CDKN3: variants seen among roughly 807,000 people sequenced by gnomAD.
CDKN3 encodes the protein cyclin-dependent kinase inhibitor 3.
Under a neutral mutation model 36.1 loss-of-function variants are expected in CDKN3, and 19 were observed. That is an observed-to-expected ratio of 0.53 (90% confidence interval 0.37 to 0.77). The LOEUF (loss-of-function observed/expected upper bound fraction) is 0.77. CDKN3 is among the 30% of genes least tolerant of loss of function. The pLI, the probability that CDKN3 is intolerant of heterozygous loss-of-function variation, is 0.00. For synonymous variants in CDKN3, 71 were observed against 85.3 expected, an observed-to-expected ratio of 0.83 and a Z score of 0.92; for missense variants, 188 against 248.6, an observed-to-expected ratio of 0.76 and a Z score of 1.64.
At chr14:54,407,572 G>T (rs1006310269) in intron 3 of CDKN3, among the ~76,000 whole-genome samples, 1 of 152,190 alleles carries the variant, frequency 6.6e-6, no homozygotes, top group Non-Finnish European at 1.5e-5. Flanking sequence ...GAGGCAGTCT[G>T]GCTACCATGG....
At chr14:54,403,446 A>G (rs2030034689) in intron 3 of CDKN3, among the ~76,000 whole-genome samples, 1 of 151,968 alleles carries the variant, frequency 6.6e-6, no homozygotes, top group South Asian at 2.1e-4. Context: ...TTGGGCTGAG[A>G]CAATGAGGTT....
intron 2 of CDKN3, among the ~76,000 whole-genome samples, chr14:54,400,974 T>C (rs1390503639): frequency 6.6e-6 from 1 of 152,248 alleles, no homozygotes; most frequent in African/African-American, 2.4e-5. Context: ...GTAGAATAAA[T>C]GCTGGGGAGA....
At position 54,397,103 on chromosome 14, in the gene CDKN3, A is replaced by G; in HGVS notation, c.9+26A>G. On this transcript the variant is annotated intron_variant, in intron 1 of 7. Transcript: ENST00000335183. ...GTGAGTCGGACGTGCTGGGGTTTGGAGGAGCGAGGCGGCAGGGACGCAAGC... is the reference window on the plus strand; with the variant it reads ...GTGAGTCGGACGTGCTGGGGTTTGGGGGAGCGAGGCGGCAGGGACGCAAGC... 5 of 1,492,136 alleles carry G rather than the reference A, an allele frequency of 3.4e-6. 1 individual carries two copies. Among genetic ancestry groups the G allele is most frequent in the East Asian group, 5.6e-5 (2 of 36,006 alleles). The allele number at this position is 1,492,136 out of a possible 1,614,324, so 92.4% of individuals were successfully genotyped here.
intron 2 of CDKN3, among the ~76,000 whole-genome samples, chr14:54,400,616 GTC>G (rs2029906324): frequency 6.6e-6 from 1 of 152,130 alleles, no homozygotes; most frequent in Non-Finnish European, 1.5e-5. Flanking sequence ...AAATATAATA[GTC>G]TCTCTTCTTA....
intron 3 of CDKN3, chr14:54,408,514 A>G (rs2030239484): frequency 8.9e-6 from 4 of 449,688 alleles, no homozygotes; most frequent in Non-Finnish European, 1.5e-5. Context: ...GAGGACTACA[A>G]CCAGGTACTT....
At chr14:54,401,812 A>G (rs1390716819) in intron 3 of CDKN3, among the ~76,000 whole-genome samples, 5 of 152,056 alleles carry the variant, frequency 3.3e-5, no homozygotes, top group Admixed American at 1.3e-4. Context: ...CCGAAGTCCA[A>G]TGTATCATTC....
Position 54,404,736 on chromosome 14 carries a change from A to G in CDKN3, c.148+3157A>G, listed in dbSNP as rs1442602738. Among the ~76,000 whole-genome samples the G allele has an allele frequency of 3.9e-5, 6 of 152,052 alleles. No homozygotes were observed. In the East Asian group the frequency reaches 9.7e-4, roughly 24 times the overall value. ...ACTACAGGCACCCACCACCACACCC[A>G]GCTAATTTTTTTGTATTTTTAGTAG... is the stretch of plus-strand genomic sequence containing the variant. On this transcript the variant is annotated intron_variant, in intron 3 of 7. Coordinates refer to ENST00000335183, the MANE Select transcript of CDKN3 (RefSeq NM_005192.4).
intron 7 of CDKN3, chr14:54,418,488 ACAC>A: frequency 1.8e-6 from 1 of 541,594 alleles, no homozygotes; most frequent in Non-Finnish European, 3.3e-6. Flanking sequence ...ACACTTCAAA[ACAC>A]TGCACTAGCA....
Position 54,420,125 on chromosome 14 carries a change from T to A in CDKN3, c.*47T>A. 1 of 1,085,882 alleles carries A rather than the reference T, an allele frequency of 9.2e-7. No homozygotes were observed. The highest frequency in any genetic ancestry group is 1.4e-6 in the Non-Finnish European group (1 of 714,950). 67.3% of individuals were successfully genotyped at this position (1,085,882 alleles called of 1,614,324 possible). On this transcript the variant is annotated 3_prime_UTR_variant, in exon 8 of 8. Transcript: ENST00000335183. The stretch of plus-strand genomic sequence containing the variant: ...ATGACCATGTCTGAAATGTCAGTTC[T>A]CTAGCATAATTTGTATTGAAATGAA...
intron 3 of CDKN3, among the ~76,000 whole-genome samples, chr14:54,406,985 C>G (rs769616005): frequency 1.1e-4 from 16 of 152,130 alleles, no homozygotes; most frequent in Admixed American, 5.9e-4. Context: ...GATTTATCTA[C>G]GTTTGGTCTT....
chr14:54,411,627 A>C lies in CDKN3; in HGVS notation c.337A>C (p.Thr113Pro). The C allele has an allele frequency of 1.2e-6, 2 of 1,613,548 alleles. No individual in the cohort carries two copies. Among genetic ancestry groups the C allele is most frequent in the Non-Finnish European group, 1.7e-6 (2 of 1,179,530 alleles). ...THHHPIADGGTPDIASCCEIM... is the reference protein window; with the variant it reads ...THHHPIADGGPPDIASCCEIM... ...TCATCATCCAATCGCAGATGGAGGGACTCCTGACATAGCCAGCTGCTGTGA... is the reference window on the plus strand; with the variant it reads ...TCATCATCCAATCGCAGATGGAGGGCCTCCTGACATAGCCAGCTGCTGTGA... The change falls in exon 5 of 8, where the codon ACT becomes CCT. Residue 113 changes from threonine (T) to proline (P), a missense_variant. Transcript: ENST00000335183.
chr14:54,416,507 A>C (rs1326155881), intron 6 of CDKN3, among the ~76,000 whole-genome samples: 1 of 152,138 alleles, frequency 6.6e-6, no homozygotes, highest in East Asian at 1.9e-4. Flanking sequence ...TATAAAAAGA[A>C]CTCTTACAAC....
At chr14:54,406,126 G>C (rs1004643847) in intron 3 of CDKN3, among the ~76,000 whole-genome samples, 7 of 152,138 alleles carry the variant, frequency 4.6e-5, no homozygotes, top group African/African-American at 1.2e-4. Flanking sequence ...TGAAATTCTG[G>C]GTTGAAAATT....
chr14:54,401,478 C>G (rs1485758599), intron 2 of CDKN3, 46 bp from the exon 3 acceptor site: 1 of 1,369,744 alleles, frequency 7.3e-7, no homozygotes. Flanking sequence ...CCATTTATAA[C>G]TTTTTAAAAA....
intron 6 of CDKN3, among the ~76,000 whole-genome samples, chr14:54,416,837 TAAAC>T (rs573664440): frequency 4.7e-4 from 71 of 152,006 alleles, no homozygotes; most frequent in Admixed American, 1.5e-3. Context: ...ATAATAATAA[TAAAC>T]AAACAACATA....
At position 54,413,792 on chromosome 14, in the gene CDKN3, A is replaced by G. The variant is rs1282879655; in HGVS notation, c.416+2086A>G. On this transcript the variant is annotated intron_variant, in intron 5 of 7. Coordinates refer to ENST00000335183, the MANE Select transcript of CDKN3 (RefSeq NM_005192.4). ...TGCCTGGACATTTGCAGCCCTTTATAAAATTAGTGAACAACACTGCTTGCC... is the reference window on the plus strand; with the variant it reads ...TGCCTGGACATTTGCAGCCCTTTATGAAATTAGTGAACAACACTGCTTGCC... The G allele has an allele frequency of 4.9e-6, 7 of 1,416,148 alleles. No homozygotes were observed. In the East Asian group the frequency reaches 1.9e-4, roughly 38 times the overall value. 87.7% of individuals were successfully genotyped at this position (1,416,148 alleles called of 1,614,324 possible).
intron 7 of CDKN3, among the ~76,000 whole-genome samples, chr14:54,419,720 TAAAG>T (rs1482052439): frequency 3.3e-5 from 5 of 152,340 alleles, no homozygotes; most frequent in African/African-American, 1.2e-4. Context: ...GTCCTGTAAG[TAAAG>T]AGAGAAAGAA....
intron 5 of CDKN3, chr14:54,413,687 A>C: frequency 6.5e-7 from 1 of 1,535,202 alleles, no homozygotes; most frequent in Non-Finnish European, 8.7e-7. Flanking sequence ...CTAGACAGCT[A>C]TAGAGCTTAT....
At chr14:54,402,973 T>A (rs2030013797) in intron 3 of CDKN3, among the ~76,000 whole-genome samples, 1 of 152,212 alleles carries the variant, frequency 6.6e-6, no homozygotes, top group Non-Finnish European at 1.5e-5. Context: ...TAGTTTGAAG[T>A]CAGGTAGCGT....
Sources: allele counts gnomAD v4.1 joint callset (sites outside exome capture counted in the v4.1 genomes callset), GRCh38; gene constraint gnomAD v4.1.1; transcripts MANE v1.5; gene names NCBI Gene and HGNC (gene_info 2026-07-23, HGNC 2026-07-21).